POM121C: variants seen among roughly 807,000 people sequenced by gnomAD.
POM121C encodes nuclear envelope pore membrane protein POM 121C.
POM121C carries 20 observed loss-of-function variants against 66.4 expected under a neutral mutation model. The ratio of observed to expected loss-of-function variants is 0.30; its 90% CI spans 0.21 to 0.44. The LOEUF (loss-of-function observed/expected upper bound fraction) is 0.44, where lower values mean the gene tolerates loss of function less well. Ranked by LOEUF, POM121C falls within the 20% of genes least tolerant of loss-of-function variation. The pLI is 1.00. For missense variants in POM121C, 580 were observed against 1,225.7 expected, an observed-to-expected ratio of 0.47 and a Z score of 7.87; for synonymous variants, 286 against 528.0, an observed-to-expected ratio of 0.54 and a Z score of 6.28.
rs781879973 is a variant in POM121C, at chr7:75,421,869, C to A, written c.2383G>T (p.Gly795Cys). 4.9e-5 allele frequency: 79 copies of A among 1,611,602 alleles called. No individual in the cohort carries two copies. The highest frequency in any genetic ancestry group is 6.1e-5 in the Non-Finnish European group (72 of 1,179,378). ...GAPASSQPAF[G>C]GSTAVFSFGA... ...AAGGAGAAGACAGCAGTGGAGCCGC[C>A]AAAGGCGGGCTGTGAGCTGGCGGGA... The change falls in exon 13 of 15, where the codon GGC becomes TGC. Residue 795 changes from glycine to cysteine, a missense_variant. Coordinates refer to ENST00000615331, the MANE Select transcript of POM121C (RefSeq NM_001099415.3).
rs782024197 is a variant in POM121C at position 75,421,613 on chromosome 7, G to C, written c.2639C>G (p.Pro880Arg). ...GTTCTGACCTAAGCCCCCTGTGAAG[G>C]GGGTGGAGGTGGCTGTGCTCCCACT... ...GQSGSTATST[P>R]FTGGLGQNAL... Residue 880 changes from proline (P) to arginine (R), a missense_variant, in exon 13 of 15, where the codon CCC (proline) becomes CGC (arginine). Physicochemically the swap from Pro to Arg is moderately radical, Grantham distance 103. Transcript: ENST00000615331. The C allele has an allele frequency of 3.7e-6, 6 of 1,613,418 alleles. No individual in the cohort carries two copies. The highest frequency in any genetic ancestry group is 4.2e-6 in the Non-Finnish European group (5 of 1,179,796).
At chr7:75,483,264 T>C (rs1792380286) in intron 1 of POM121C, among the ~76,000 whole-genome samples, 2 of 152,360 alleles carry the variant, frequency 1.3e-5, no homozygotes, top group South Asian at 4.1e-4. Flanking sequence ...TCCACAATTA[T>C]ATCAACTTGA....
chr7:75,459,970 A>G (rs1362687572), intron 3 of POM121C, among the ~76,000 whole-genome samples: 4 of 134,978 alleles, frequency 3.0e-5, no homozygotes, highest in Non-Finnish European at 6.3e-5. Flanking sequence ...AAAATCCTAT[A>G]CAAAAATATA....
intron 3 of POM121C, among the ~76,000 whole-genome samples, chr7:75,446,684 T>C (rs1333075666): frequency 6.6e-6 from 1 of 151,340 alleles, no homozygotes; most frequent in Non-Finnish European, 1.5e-5. Context: ...CTTAAATACA[T>C]CCCAAAACAA....
intron 3 of POM121C, among the ~76,000 whole-genome samples, chr7:75,444,406 GA>G (rs1790767409): frequency 6.6e-6 from 1 of 151,122 alleles, no homozygotes; most frequent in African/African-American, 2.4e-5. Flanking sequence ...CCCTACTCAA[GA>G]AACCTGGGTA....
chr7:75,429,618 G>GA (rs1387099179), intron 7 of POM121C, among the ~76,000 whole-genome samples: 1 of 147,750 alleles, frequency 6.8e-6, no homozygotes, highest in East Asian at 2.1e-4. Context: ...GCGACAGAGC[G>GA]AGACTCCATC....
At chr7:75,431,849 G>A (rs1554472402) in intron 7 of POM121C, among the ~76,000 whole-genome samples, 1 of 152,064 alleles carries the variant, frequency 6.6e-6, no homozygotes, top group Non-Finnish European at 1.5e-5. Flanking sequence ...CTATTTGGGA[G>A]GCTGAGGCAT....
intron 4 of POM121C, 72 bp downstream of exon 4, chr7:75,441,360 G>C: frequency 1.4e-6 from 2 of 1,472,152 alleles, no homozygotes; most frequent in Non-Finnish European, 1.9e-6. Flanking sequence ...TAGTCATGTT[G>C]TCACAGGAAC....
rs587594973 is a variant in POM121C, at chr7:75,471,584, C to T, written c.-152+3120G>A. 5.7e-4 allele frequency among the ~76,000 whole-genome samples: 86 copies of T among 152,114 alleles called. 1 individual carries two copies. Among genetic ancestry groups the T allele is most frequent in the Admixed American group, 1.1e-3 (17 of 15,258 alleles). ...AACAGAACTTTGGGGAACAGAGACA[C>T]GGCGCCGAGTTGAGCAGAAACCAGG... is the stretch of plus-strand genomic sequence containing the variant. On this transcript the variant is annotated intron_variant, in intron 3 of 14. Transcript: ENST00000615331.
chr7:75,432,052 C>T (rs1477725946), intron 7 of POM121C, among the ~76,000 whole-genome samples: 5 of 151,692 alleles, frequency 3.3e-5, no homozygotes, highest in South Asian at 2.1e-4. Context: ...CAGTGGCATG[C>T]GCCTGCACCT....
At position 75,418,627 on chromosome 7, in the gene POM121C, C is replaced by T. The variant is rs1789568195; in HGVS notation, c.*169G>A. 7.5e-7 allele frequency: 1 copy of T among 1,335,054 alleles called. No individual in the cohort carries two copies. The highest frequency in any genetic ancestry group is 1.6e-5 in the South Asian group (1 of 61,624). 82.7% of individuals were successfully genotyped at this position (1,335,054 alleles called of 1,614,324 possible). ...TTCCCCTTCCCTGAGGCTTGTGCTT[C>T]CTCCAGAAGGGAAAGGGCCCCAGGG... On this transcript the variant is annotated 3_prime_UTR_variant, in exon 15 of 15. Coordinates refer to ENST00000615331, the MANE Select transcript of POM121C (RefSeq NM_001099415.3).
intron 3 of POM121C, among the ~76,000 whole-genome samples, chr7:75,462,196 G>A (rs1490589196): frequency 1.3e-5 from 2 of 149,718 alleles, no homozygotes; most frequent in Non-Finnish European, 3.0e-5. Flanking sequence ...TCTCGTGATA[G>A]TGAGGGAGTT....
chr7:75,481,118 A>G (rs1792295168), intron 1 of POM121C, among the ~76,000 whole-genome samples: 1 of 149,316 alleles, frequency 6.7e-6, no homozygotes, highest in Admixed American at 6.7e-5. Flanking sequence ...AGAATGAAGT[A>G]TCTGAACAAA....
At chr7:75,474,012 G>A (rs587738308) in intron 3 of POM121C, among the ~76,000 whole-genome samples, 12 of 152,186 alleles carry the variant, frequency 7.9e-5, no homozygotes, top group African/African-American at 2.4e-4. Context: ...TTTAAAGCAA[G>A]GAAGGAAAGA....
At chr7:75,440,352 G>A (rs1358692904) in intron 5 of POM121C, among the ~76,000 whole-genome samples, 6 of 151,252 alleles carry the variant, frequency 4.0e-5, no homozygotes, top group Admixed American at 1.3e-4. Context: ...CGGATCACGA[G>A]GTCAGGAGTT....
intron 1 of POM121C, among the ~76,000 whole-genome samples, chr7:75,476,046 G>A (rs587610417): frequency 2.0e-5 from 3 of 152,282 alleles, no homozygotes; most frequent in South Asian, 4.1e-4. Flanking sequence ...TTGGGAGGAC[G>A]AGATGGGAAG....
At chr7:75,433,122 C>G (rs1790248405) in intron 7 of POM121C, among the ~76,000 whole-genome samples, 1 of 150,938 alleles carries the variant, frequency 6.6e-6, no homozygotes, top group East Asian at 2.0e-4. Flanking sequence ...GTAATCCCAA[C>G]TACTTGGGAG....
At chr7:75,475,004 A>G (rs1451493826) in intron 2 of POM121C, 58 bp downstream of exon 2, 1 of 1,470,704 alleles carries the variant, frequency 6.8e-7, no homozygotes, top group African/African-American at 1.4e-5. Flanking sequence ...TTATTTCTTC[A>G]AACTCAAGCA....
chr7:75,461,074 A>G (rs1791426840), intron 3 of POM121C, among the ~76,000 whole-genome samples: 1 of 152,148 alleles, frequency 6.6e-6, no homozygotes, highest in South Asian at 2.1e-4. Flanking sequence ...TTGCAAAAAT[A>G]GTTTGGAAAA....
Sources: gnomAD v4.1 joint callset for allele counts (sites outside exome capture counted in the v4.1 genomes callset) on GRCh38, gnomAD v4.1.1 for gene constraint, MANE v1.5 for transcripts, NCBI Gene and HGNC (gene_info 2026-07-23, HGNC 2026-07-21) for gene names.